Variants in TRIT1 observed in about 807,000 individuals in gnomAD.
TRIT1 encodes tRNA isopentenyltransferase 1, also known as tRNA dimethylallyltransferase.
TRIT1 carries 43 observed loss-of-function variants against 51.2 expected under a neutral mutation model. The ratio of observed to expected loss-of-function variants is 0.84; its 90% CI spans 0.66 to 1.08. TRIT1 has a LOEUF of 1.08. TRIT1 is among the 50% of genes least tolerant of loss of function. The probability of loss-of-function intolerance (pLI) is 0.00; values close to 1 mark genes in which losing one functional copy is unlikely to be tolerated. For synonymous variants in TRIT1, 184 were observed against 203.9 expected (o/e 0.90, Z 0.83); for missense variants, 528 against 578.4 (o/e 0.91, Z 0.89).
intron 1 of TRIT1, among the ~76,000 whole-genome samples, chr1:39,867,365 G>A (rs553743468): frequency 7.9e-5 from 12 of 152,184 alleles, no homozygotes; most frequent in African/African-American, 1.9e-4. Flanking sequence ...GGCTAGTCTC[G>A]AACTCCCAAC....
At chr1:39,869,091 C>T (rs1404812684) in intron 1 of TRIT1, among the ~76,000 whole-genome samples, 1 of 151,692 alleles carries the variant, frequency 6.6e-6, no homozygotes. Context: ...CTCTCCCCCT[C>T]CCCCTCCCTC....
rs756485031 is a variant in TRIT1, at chr1:39,857,310, T to G, written c.282A>C (p.Thr94=). 2 of 1,613,580 alleles carry G rather than the reference T, an allele frequency of 1.2e-6. No homozygotes were observed. The highest frequency in any genetic ancestry group is 3.3e-5 in the Admixed American group (2 of 59,912). Residue 94 remains threonine (T), a synonymous_variant, in exon 2 of 11, where the codon ACA becomes ACC. Transcript: ENST00000316891. ...TTGCTCTATTTCTGAAGTCCACCAC[T>G]GTGTAATTGGTCACAAGAGGATCCA... The part of the protein sequence containing the change: ...SFVDPLVTNY[T]VVDFRNRATA...
At chr1:39,869,527 C>T (rs1202203048) in intron 1 of TRIT1, among the ~76,000 whole-genome samples, 2 of 152,226 alleles carry the variant, frequency 1.3e-5, no homozygotes, top group East Asian at 1.9e-4. Context: ...GCCGCCACCC[C>T]GTCTGGGAAG....
intron 9 of TRIT1, 134 bp downstream of exon 9, chr1:39,844,397 A>G: frequency 1.2e-6 from 1 of 854,818 alleles, no homozygotes; most frequent in Non-Finnish European, 1.9e-6. Flanking sequence ...GTCTCCAGGT[A>G]TTAAAAAGCA....
chr1:39,883,248 G>T, intron 1 of TRIT1, 70 bp downstream of exon 1: 1 of 1,517,406 alleles, frequency 6.6e-7, no homozygotes, highest in African/African-American at 1.4e-5. Context: ...CACCCTTTAA[G>T]ACCTTTGCCA....
intron 9 of TRIT1, 127 bp from the exon 10 acceptor site, chr1:39,844,345 G>A: frequency 1.1e-6 from 1 of 895,372 alleles, no homozygotes; most frequent in Non-Finnish European, 1.8e-6. Context: ...GCTGTATACA[G>A]ATTTTAGCAA....
At chr1:39,874,915 G>A (rs112309826) in intron 1 of TRIT1, among the ~76,000 whole-genome samples, 16,190 of 151,600 alleles carry the variant, frequency 0.11, 1,197 homozygotes, top group East Asian at 0.29. Flanking sequence ...TGATCTGCCC[G>A]CCTCAGCCTC....
chr1:39,869,482 G>T (rs1207971829), intron 1 of TRIT1, among the ~76,000 whole-genome samples: 1 of 152,178 alleles, frequency 6.6e-6, no homozygotes, highest in Admixed American at 6.5e-5. Context: ...GCCTGCCTTG[G>T]CCTCCCAAAG....
At chr1:39,881,137 G>A (rs1263470768) in intron 1 of TRIT1, among the ~76,000 whole-genome samples, 1 of 147,180 alleles carries the variant, frequency 6.8e-6, no homozygotes, top group African/African-American at 2.5e-5. Context: ...TGAGGCAGGA[G>A]AATCCTTGAA....
intron 8 of TRIT1, among the ~76,000 whole-genome samples, chr1:39,845,764 G>C (rs1178524877): frequency 6.6e-6 from 1 of 152,198 alleles, no homozygotes; most frequent in Non-Finnish European, 1.5e-5. Context: ...GGCCATGCTG[G>C]GGTGGGGAAG....
rs573439739 is a variant in TRIT1, at chr1:39,870,635, A to G, written c.174+12683T>C. Among the ~76,000 whole-genome samples, 13 of 151,286 alleles carry G rather than the reference A, an allele frequency of 8.6e-5. No individual in the cohort carries two copies. The South Asian group carries it at 2.7e-3, about 32-fold the overall frequency. On this transcript the variant is annotated intron_variant, in intron 1 of 10. Transcript: ENST00000316891. The stretch of plus-strand genomic sequence containing the variant: ...ATTAAAAGAAAAAAAAAAAAGCCTG[A>G]CAATACCAAATGCTGGAAATAATAT...
Position 39,840,811 on chromosome 1 carries a change from G to A in TRIT1, c.*933C>T, listed in dbSNP as rs1400999723. ...AATAAGTATCTGTTTAACATTGCTG[G>A]CAGCTCAGGTCACTCCAGAAAGAGG... On this transcript the variant is annotated 3_prime_UTR_variant, in exon 11 of 11. Transcript: ENST00000316891. 1.3e-5 allele frequency among the ~76,000 whole-genome samples: 2 copies of A among 152,110 alleles called. No homozygotes were observed. The highest frequency in any genetic ancestry group is 2.9e-5 in the Non-Finnish European group (2 of 68,026).
chr1:39,882,545 C>G (rs557331941), intron 1 of TRIT1, among the ~76,000 whole-genome samples: 2 of 152,344 alleles, frequency 1.3e-5, no homozygotes, highest in Admixed American at 1.3e-4. Context: ...ATGTACACCC[C>G]TTCTGGGCCT....
At position 39,883,330 on chromosome 1, in the gene TRIT1, A is replaced by C; in HGVS notation, c.162T>G (p.Ala54=). 6.2e-7 allele frequency: 1 copy of C among 1,607,866 alleles called. No homozygotes were observed. The highest frequency in any genetic ancestry group is 8.5e-7 in the Non-Finnish European group (1 of 1,177,694). The part of the protein sequence containing the change: ...GQRLGGEIVS[A]DSMQVYEGLD... ...CGCACTGCCATACCTGCATGGAGTC[A>C]GCGCTGACGATCTCACCGCCGAGCC... The change falls in exon 1 of 11, where the codon GCT becomes GCG. Residue 54 remains alanine (A), a synonymous_variant. Transcript: ENST00000316891.
At chr1:39,847,167 T>C (rs1227428405) in intron 8 of TRIT1, 53 bp downstream of exon 8, 2 of 1,449,142 alleles carry the variant, frequency 1.4e-6, no homozygotes, top group African/African-American at 2.8e-5. Context: ...GCTGAGGACA[T>C]CTATATTCTA....
intron 4 of TRIT1, among the ~76,000 whole-genome samples, chr1:39,851,293 A>G (rs1337148495): frequency 6.6e-5 from 10 of 150,742 alleles, no homozygotes; most frequent in Non-Finnish European, 1.2e-4. Context: ...CTTAGAACCT[A>G]TTGACTCTTA....
At chr1:39,843,988 G>T in intron 10 of TRIT1, 113 bp downstream of exon 10, 1 of 690,766 alleles carries the variant, frequency 1.4e-6, no homozygotes, top group Non-Finnish European at 2.5e-6. Context: ...GAATCTAGCT[G>T]TCCCTTTACA....
Position 39,862,861 on chromosome 1 carries a change from A to T in TRIT1, c.175-5444T>A, listed in dbSNP as rs933607390. ...CAGCCTGAATGCTGGGAAGAGCCAA[A>T]AGGATCTGTGTTATCTTTCAAAGAC... On this transcript the variant is annotated intron_variant, in intron 1 of 10. Transcript: ENST00000316891. 1.0e-5 allele frequency: 10 copies of T among 985,274 alleles called. No individual in the cohort carries two copies. In the South Asian group the frequency reaches 2.8e-4, roughly 28 times the overall value. 61.0% of individuals were successfully genotyped at this position (985,274 alleles called of 1,614,324 possible). A position where few individuals can be genotyped will look rare whatever the true frequency, so the allele number is the denominator to read the frequency against.
intron 1 of TRIT1, among the ~76,000 whole-genome samples, chr1:39,869,068 G>GCTCTCC (rs1247258552): frequency 6.6e-6 from 1 of 151,632 alleles, no homozygotes; most frequent in Non-Finnish European, 1.5e-5. Flanking sequence ...CTGAAAAAAA[G>GCTCTCC]CTCTCCCTCT....
Sources: gnomAD v4.1 joint callset for allele counts (sites outside exome capture counted in the v4.1 genomes callset) on GRCh38, gnomAD v4.1.1 for gene constraint, MANE v1.5 for transcripts, NCBI Gene and HGNC (gene_info 2026-07-23, HGNC 2026-07-21) for gene names.